H3-3B: variants seen among roughly 807,000 people sequenced by gnomAD.
H3-3B encodes the protein H3.3 histone B.
In H3-3B, 2 loss-of-function variants were observed where a neutral mutation model predicts 13.1. That is an observed-to-expected ratio of 0.15 (90% CI 0.06 to 0.48). H3-3B has a LOEUF of 0.48. Ranked by LOEUF, H3-3B falls within the 20% of genes least tolerant of loss-of-function variation. The probability of loss-of-function intolerance (pLI) is 0.97; values close to 1 mark genes in which losing one functional copy is unlikely to be tolerated. For missense variants in H3-3B, 39 were observed against 186.0 expected, an observed-to-expected ratio of 0.21 and a Z score of 4.60; for synonymous variants, 133 against 75.8, an observed-to-expected ratio of 1.76 and a Z score of -3.92.
Position 75,777,392 on chromosome 17 carries a change from A to C in H3-3B, c.*1203T>G, listed in dbSNP as rs1367276426. 1 of 152,670 alleles carries C rather than the reference A, an allele frequency of 6.6e-6. No individual in the cohort carries two copies. Among genetic ancestry groups the C allele is most frequent in the East Asian group, 1.9e-4 (1 of 5,206 alleles). The allele number at this position is 152,670 out of a possible 1,614,324, so 9.5% of individuals were successfully genotyped here. A position where few individuals can be genotyped will look rare whatever the true frequency, so the allele number is the denominator to read the frequency against. Reference sequence around the variant, plus strand: ...AATGATCTAAGTTCAAAACATTAGTATACAAGGACCTAGATAATGGGACAT... The same window carrying C: ...AATGATCTAAGTTCAAAACATTAGTCTACAAGGACCTAGATAATGGGACAT... On this transcript the variant is annotated 3_prime_UTR_variant, in exon 4 of 4. Coordinates refer to ENST00000254810, the MANE Select transcript of H3-3B (RefSeq NM_005324.5).
Position 75,779,157 on chromosome 17 carries a change from C to T in H3-3B, c.18G>A (p.Gln6=). 3 of 1,566,566 alleles carry T rather than the reference C, an allele frequency of 1.9e-6. No homozygotes were observed. The highest frequency in any genetic ancestry group is 2.6e-6 in the Non-Finnish European group (3 of 1,161,136). The change falls in exon 2 of 4, where the codon CAG becomes CAA. Residue 6 remains glutamine, a synonymous_variant. Transcript: ENST00000254810. MARTK[Q]TARKSTGGKA... is the part of the protein sequence containing the mutation. ...TCCCACCGGTGGACTTACGAGCAGT[C>T]TGCTTGGTTCGGGCCATTTTCTTTC... is the stretch of plus-strand genomic sequence containing the variant.
rs535085963 is a variant in H3-3B at position 75,777,880 on chromosome 17, G to C, written c.*715C>G. 42 of 152,656 alleles carry C rather than the reference G, an allele frequency of 2.8e-4. No homozygotes were observed. Among genetic ancestry groups the C allele is most frequent in the African/African-American group, 9.4e-4 (39 of 41,540 alleles). The allele number at this position is 152,656 out of a possible 1,614,324, so 9.5% of individuals were successfully genotyped here. A position where few individuals can be genotyped will look rare whatever the true frequency, so the allele number is the denominator to read the frequency against. ...GTTAGTGTTTGCATTATCAGCTAGA[G>C]GGTTAACATGTGGTAGAATGAGGAC... On this transcript the variant is annotated 3_prime_UTR_variant, in exon 4 of 4. Transcript: ENST00000254810.
At position 75,779,191 on chromosome 17, in the gene H3-3B, A is replaced by C. The variant is rs557779142; in HGVS notation, c.-10-7T>G. On this transcript the variant is annotated splice_region_variant and splice_polypyrimidine_tract_variant and intron_variant, in intron 1 of 3. Coordinates refer to ENST00000254810, the MANE Select transcript of H3-3B (RefSeq NM_005324.5). ...TCGGGCCATTTTCTTTCACCTAAGA[A>C]AGACGCCCCGAAGATAAGGCCGCCG... 6.6e-5 allele frequency: 98 copies of C among 1,489,204 alleles called. No homozygotes were observed. Among genetic ancestry groups the C allele is most frequent in the Middle Eastern group, 2.0e-4 (1 of 5,010 alleles). The allele number at this position is 1,489,204 out of a possible 1,614,324, so 92.2% of individuals were successfully genotyped here.
chr17:75,779,245 C>A (rs1451743581), intron 1 of H3-3B, 61 bp from the exon 2 acceptor site: 3 of 1,396,096 alleles, frequency 2.1e-6, no homozygotes, highest in Non-Finnish European at 2.8e-6. Context: ...CCCAGGGCTG[C>A]GGGGGGAGGA....
intron 1 of H3-3B, 106 bp from the exon 2 acceptor site, chr17:75,779,290 C>T: frequency 8.2e-7 from 1 of 1,216,922 alleles, no homozygotes; most frequent in Middle Eastern, 3.1e-4. Flanking sequence ...CCTCCCGCCT[C>T]CCCGCGCCCC....
At position 75,778,694 on chromosome 17, in the gene H3-3B, C is replaced by T. The variant is rs778457410; in HGVS notation, c.312G>A (p.Leu104=). The change falls in exon 4 of 4, where the codon CTG becomes CTA. Residue 104 remains leucine, a synonymous_variant. Transcript: ENST00000254810. ...TGGCACACAGGTTGGTATCTTCGAA[C>T]AGACCCACCAGGTACGCTTCGCTAG... ...QEASEAYLVG[L]FEDTNLCAIH... is the part of the protein sequence containing the mutation. 12 of 1,614,088 alleles carry T rather than the reference C, an allele frequency of 7.4e-6. No homozygotes were observed. The highest frequency in any genetic ancestry group is 1.3e-5 in the African/African-American group (1 of 74,940).
rs1308295856 is a variant in H3-3B, at chr17:75,778,948, C to T, written c.144G>A (p.Ala48=). 2.5e-6 allele frequency: 4 copies of T among 1,614,012 alleles called. No homozygotes were observed. Among genetic ancestry groups the T allele is most frequent in the Non-Finnish European group, 3.4e-6 (4 of 1,180,052 alleles). The change falls in exon 3 of 4, where the codon GCG becomes GCA. Residue 48 remains alanine (A), a synonymous_variant. Coordinates refer to ENST00000254810, the MANE Select transcript of H3-3B (RefSeq NM_005324.5). ...TCTGATAACGACGAATCTCTCGAAGCGCCACGGTCCCGGGCCTGCAGCGAG... is the reference window on the plus strand; with the variant it reads ...TCTGATAACGACGAATCTCTCGAAGTGCCACGGTCCCGGGCCTGCAGCGAG... ...KPHRYRPGTV[A]LREIRRYQKS... is the part of the protein sequence containing the mutation.
Position 75,778,542 on chromosome 17 carries a change from A to T in H3-3B, c.*53T>A. 6.4e-7 allele frequency: 1 copy of T among 1,571,048 alleles called. No homozygotes were observed. The highest frequency in any genetic ancestry group is 8.6e-7 in the Non-Finnish European group (1 of 1,158,982). ...TTCTTACAAAAAAAGTCACAAATTA[A>T]ACCAAAGTATTTTACAGAATTTACT... On this transcript the variant is annotated 3_prime_UTR_variant, in exon 4 of 4. Coordinates refer to ENST00000254810, the MANE Select transcript of H3-3B (RefSeq NM_005324.5).
In H3-3B at chr17:75,778,285, G is replaced by A. The variant is rs1396874379; in HGVS notation, c.*310C>T. 9.3e-6 allele frequency: 3 copies of A among 321,940 alleles called. No individual in the cohort carries two copies. Among genetic ancestry groups the A allele is most frequent in the Non-Finnish European group, 1.2e-5 (2 of 171,646 alleles). The allele number at this position is 321,940 out of a possible 1,614,324, so 19.9% of individuals were successfully genotyped here. A position where few individuals can be genotyped will look rare whatever the true frequency, so the allele number is the denominator to read the frequency against. ...ACCAGTTTTATTGCAAAAGGACCCT[G>A]TACACATTTATCAACTCTAGTACCT... is the stretch of plus-strand genomic sequence containing the variant. On this transcript the variant is annotated 3_prime_UTR_variant, in exon 4 of 4. Coordinates refer to ENST00000254810, the MANE Select transcript of H3-3B (RefSeq NM_005324.5).
intron 1 of H3-3B, 102 bp from the exon 2 acceptor site, chr17:75,779,286 G>A (rs1183953498): frequency 8.2e-7 from 1 of 1,216,176 alleles, no homozygotes; most frequent in Non-Finnish European, 1.1e-6. Context: ...CGGGCCTCCC[G>A]CCTCCCCGCG....
rs535889922 is a variant in H3-3B at position 75,777,696 on chromosome 17, G to A, written c.*899C>T. 4 of 152,464 alleles carry A rather than the reference G, an allele frequency of 2.6e-5. No homozygotes were observed. The highest frequency in any genetic ancestry group is 6.5e-5 in the Admixed American group (1 of 15,302). 9.4% of individuals were successfully genotyped at this position (152,464 alleles called of 1,614,324 possible). A position where few individuals can be genotyped will look rare whatever the true frequency, so the allele number is the denominator to read the frequency against. On this transcript the variant is annotated 3_prime_UTR_variant, in exon 4 of 4. Coordinates refer to ENST00000254810, the MANE Select transcript of H3-3B (RefSeq NM_005324.5). Reference sequence around the variant, plus strand: ...CAAATGCCACAAGAAAAAGAACTTCGGTACTGTTTCCTCAGCAGAGGAGAA... The same window carrying A: ...CAAATGCCACAAGAAAAAGAACTTCAGTACTGTTTCCTCAGCAGAGGAGAA...
Position 75,777,799 on chromosome 17 carries a change from T to C in H3-3B, c.*796A>G, listed in dbSNP as rs1301442949. 3 of 152,606 alleles carry C rather than the reference T, an allele frequency of 2.0e-5. No individual in the cohort carries two copies. Among genetic ancestry groups the C allele is most frequent in the Admixed American group, 6.5e-5 (1 of 15,294 alleles). The allele number at this position is 152,606 out of a possible 1,614,324, so 9.5% of individuals were successfully genotyped here. A position where few individuals can be genotyped will look rare whatever the true frequency, so the allele number is the denominator to read the frequency against. On this transcript the variant is annotated 3_prime_UTR_variant, in exon 4 of 4. Coordinates refer to ENST00000254810, the MANE Select transcript of H3-3B (RefSeq NM_005324.5). ...AACTAGTTCAGAATGTTAGTTAAGA[T>C]GATGCTGGTGTGAATAACTCGTTTT...
chr17:75,779,344 C>G (rs976832734), intron 1 of H3-3B, 160 bp from the exon 2 acceptor site: 47 of 698,068 alleles, frequency 6.7e-5, no homozygotes, highest in East Asian at 1.0e-4. Context: ...CCTCCTCCCC[C>G]TCCCCTAATG....
chr17:75,778,797 G>GC lies in H3-3B; in HGVS notation c.282+12dup, dbSNP rs1567785459. The GC allele has an allele frequency of 6.2e-7, 1 of 1,614,132 alleles. No individual in the cohort carries two copies. The highest frequency in any genetic ancestry group is 1.7e-5 in the Admixed American group (1 of 60,028). On this transcript the variant is annotated intron_variant, in intron 3 of 3. Transcript: ENST00000254810. Reference sequence around the variant, plus strand: ...CCGCCCAGCCCTCCCCCGGCTCCAGGCCTTTGTCTTACCTGCAGCGCACCG... The same window carrying GC: ...CCGCCCAGCCCTCCCCCGGCTCCAGGCCCTTTGTCTTACCTGCAGCGCACCG...
intron 1 of H3-3B, 128 bp downstream of exon 1, chr17:75,779,529 C>T (rs2061656047): frequency 5.8e-6 from 1 of 173,736 alleles, no homozygotes; most frequent in African/African-American, 2.4e-5. Flanking sequence ...GGGGAAACCT[C>T]CCGGCCCCAT....
rs554802496 is a variant in H3-3B, at chr17:75,778,552, TTTTACAGAA to T, written c.*34_*42del. On this transcript the variant is annotated 3_prime_UTR_variant, in exon 4 of 4. Transcript: ENST00000254810. ...AAAAGTCACAAATTAAACCAAAGTA[TTTTACAGAA>T]TTTACTACAAAACGCCATAAAAACT... 447 of 1,584,176 alleles carry T rather than the reference TTTTACAGAA, an allele frequency of 2.8e-4. 2 individuals carry two copies. In the South Asian group the frequency reaches 3.5e-3, roughly 12 times the overall value.
chr17:75,777,948 A>G lies in H3-3B; in HGVS notation c.*647T>C, dbSNP rs2061646936. The G allele has an allele frequency of 6.5e-6, 1 of 152,676 alleles. No homozygotes were observed. The highest frequency in any genetic ancestry group is 2.1e-4 in the South Asian group (1 of 4,842). 9.5% of individuals were successfully genotyped at this position (152,676 alleles called of 1,614,324 possible). On this transcript the variant is annotated 3_prime_UTR_variant, in exon 4 of 4. Coordinates refer to ENST00000254810, the MANE Select transcript of H3-3B (RefSeq NM_005324.5). ...GCGCATAGCATTTTACTACTATGAGAACAAGTGCAGTCAGAAGAAAACCAA... is the reference window on the plus strand; with the variant it reads ...GCGCATAGCATTTTACTACTATGAGGACAAGTGCAGTCAGAAGAAAACCAA...
At position 75,776,981 on chromosome 17, in the gene H3-3B, TCA is replaced by T. The variant is rs1217779962; in HGVS notation, c.*1612_*1613del. 3.3e-5 allele frequency: 5 copies of T among 152,188 alleles called. No individual in the cohort carries two copies. The highest frequency in any genetic ancestry group is 2.0e-4 in the Admixed American group (3 of 15,272). 9.4% of individuals were successfully genotyped at this position (152,188 alleles called of 1,614,324 possible). Reference sequence around the variant, plus strand: ...CCTACTTTACCTTCCCTCCAAAATATCACATTTGAAACTAACCCAAACTTTTG... The same window carrying T: ...CCTACTTTACCTTCCCTCCAAAATATCATTTGAAACTAACCCAAACTTTTG... On this transcript the variant is annotated 3_prime_UTR_variant, in exon 4 of 4. Transcript: ENST00000254810.
Position 75,778,453 on chromosome 17 carries a change from T to C in H3-3B, c.*142A>G, listed in dbSNP as rs952960863. The C allele has an allele frequency of 8.3e-6, 10 of 1,201,402 alleles. No individual in the cohort carries two copies. The African/African-American group carries it at 1.5e-4, about 18-fold the overall frequency. The allele number at this position is 1,201,402 out of a possible 1,614,324, so 74.4% of individuals were successfully genotyped here. ...CACTGAGGTCTGTGAACAGTCACTTTTCGCATTCATCCTGAGTGAAAGATG... is the reference window on the plus strand; with the variant it reads ...CACTGAGGTCTGTGAACAGTCACTTCTCGCATTCATCCTGAGTGAAAGATG... On this transcript the variant is annotated 3_prime_UTR_variant, in exon 4 of 4. Coordinates refer to ENST00000254810, the MANE Select transcript of H3-3B (RefSeq NM_005324.5).
Sources: gnomAD v4.1 joint callset for allele counts on GRCh38, gnomAD v4.1.1 for gene constraint, MANE v1.5 for transcripts, NCBI Gene and HGNC (gene_info 2026-07-23, HGNC 2026-07-21) for gene names.